The following PEPD variants were observed in gnomAD, a reference collection of about 807,000 sequenced individuals.
PEPD encodes the protein xaa-Pro dipeptidase.
Under a neutral mutation model 60.7 loss-of-function variants are expected in PEPD, and 53 were observed. The ratio of observed to expected loss-of-function variants is 0.87; its 90% CI spans 0.70 to 1.10. The LOEUF is 1.10. PEPD is among the 50% of genes least tolerant of loss of function. The pLI is 0.00. For synonymous variants in PEPD, 267 were observed against 284.1 expected, an observed-to-expected ratio of 0.94 and a Z score of 0.60; for missense variants, 711 against 711.9, an observed-to-expected ratio of 1.00 and a Z score of 0.01.
chr19:33,505,931 C>T (rs1014717116), intron 3 of PEPD, among the ~76,000 whole-genome samples: 1 of 148,346 alleles, frequency 6.7e-6, no homozygotes, highest in Non-Finnish European at 1.5e-5. Context: ...AAACACCCTA[C>T]ACACTACACA....
intron 1 of PEPD, among the ~76,000 whole-genome samples, chr19:33,520,640 C>A (rs940115213): frequency 6.6e-6 from 1 of 152,188 alleles, no homozygotes; most frequent in African/African-American, 2.4e-5. Context: ...GCTCCCTCAA[C>A]CTTGGGGGCC....
At chr19:33,410,337 G>C (rs1968735614) in intron 11 of PEPD, among the ~76,000 whole-genome samples, 1 of 152,228 alleles carries the variant, frequency 6.6e-6, no homozygotes, top group African/African-American at 2.4e-5. Context: ...GTCTCAGTAG[G>C]CCATGTGCCC....
intron 12 of PEPD, 51 bp downstream of exon 12, chr19:33,401,670 C>T (rs573670990): frequency 1.2e-5 from 19 of 1,551,586 alleles, no homozygotes; most frequent in South Asian, 8.2e-5. Flanking sequence ...CACATAGCAG[C>T]GCCCCCAACG....
chr19:33,448,361 C>T (rs1405816045), intron 9 of PEPD, among the ~76,000 whole-genome samples: 2 of 152,092 alleles, frequency 1.3e-5, no homozygotes, highest in African/African-American at 2.4e-5. Context: ...CCGAGGTGGG[C>T]GTCTGGTCCA....
At chr19:33,511,477 T>C (rs1970925979) in intron 2 of PEPD, 3 of 374,324 alleles carry the variant, frequency 8.0e-6, no homozygotes, top group Non-Finnish European at 1.6e-5. Context: ...AGCTCAACCC[T>C]GCCTCTCTGC....
At position 33,400,643 on chromosome 19, in the gene PEPD, T is replaced by C. The variant is rs937263012; in HGVS notation, c.967+1078A>G. The stretch of plus-strand genomic sequence containing the variant: ...GGTTGGCCAGCACATGGTGATCCCA[T>C]AGGAACCTGCCCAGGCTCTGGTGAA... On this transcript the variant is annotated intron_variant, in intron 12 of 14. Coordinates refer to ENST00000244137, the MANE Select transcript of PEPD (RefSeq NM_000285.4). 6.6e-5 allele frequency among the ~76,000 whole-genome samples: 10 copies of C among 152,256 alleles called. 1 individual carries two copies. The East Asian group carries it at 7.7e-4, about 12-fold the overall frequency.
At chr19:33,430,530 C>T (rs534129180) in intron 9 of PEPD, among the ~76,000 whole-genome samples, 6 of 152,248 alleles carry the variant, frequency 3.9e-5, no homozygotes, top group Admixed American at 2.0e-4. Flanking sequence ...CCAGAGAGAC[C>T]GGAAGCCTGT....
intron 6 of PEPD, among the ~76,000 whole-genome samples, chr19:33,483,773 G>A (rs1181641638): frequency 3.3e-5 from 5 of 152,102 alleles, no homozygotes; most frequent in African/African-American, 1.2e-4. Context: ...TTGCACCACT[G>A]TACTCCAGCA....
chr19:33,415,103 C>T (rs1038588784), intron 9 of PEPD, among the ~76,000 whole-genome samples: 1 of 152,208 alleles, frequency 6.6e-6, no homozygotes, highest in Admixed American at 6.5e-5. Flanking sequence ...CTTCACACCT[C>T]TGTGGCGCCC....
At chr19:33,428,672 C>T (rs937436054) in intron 9 of PEPD, among the ~76,000 whole-genome samples, 1 of 152,198 alleles carries the variant, frequency 6.6e-6, no homozygotes, top group Non-Finnish European at 1.5e-5. Flanking sequence ...TAGGCAAGTC[C>T]CTCCCCACAC....
intron 9 of PEPD, among the ~76,000 whole-genome samples, chr19:33,452,186 A>G (rs919252525): frequency 5.9e-5 from 9 of 152,224 alleles, no homozygotes; most frequent in Non-Finnish European, 1.0e-4. Flanking sequence ...CTAGCAGCTA[A>G]AAACCAAAAG....
At chr19:33,518,307 C>T (rs2145364709) in intron 1 of PEPD, among the ~76,000 whole-genome samples, 1 of 152,268 alleles carries the variant, frequency 6.6e-6, no homozygotes, top group South Asian at 2.1e-4. Flanking sequence ...TACTCAGTGG[C>T]CAGCCTGCCT....
At chr19:33,421,083 G>A (rs941561764) in intron 9 of PEPD, among the ~76,000 whole-genome samples, 2 of 152,196 alleles carry the variant, frequency 1.3e-5, no homozygotes, top group Non-Finnish European at 2.9e-5. Context: ...GCCCCCGTGT[G>A]TTTCTCCATT....
At chr19:33,479,080 A>G (rs1970270735) in intron 6 of PEPD, among the ~76,000 whole-genome samples, 1 of 152,210 alleles carries the variant, frequency 6.6e-6, no homozygotes, top group South Asian at 2.1e-4. Context: ...GAGGAAAAGG[A>G]GACATATAGG....
chr19:33,500,523 C>A (rs3848603), intron 4 of PEPD, among the ~76,000 whole-genome samples: 1 of 152,210 alleles, frequency 6.6e-6, no homozygotes, highest in Non-Finnish European at 1.5e-5. Context: ...ACTCTACAAG[C>A]CTTTCACAGC....
At chr19:33,505,002 A>C (rs1970773163) in intron 3 of PEPD, among the ~76,000 whole-genome samples, 1 of 152,096 alleles carries the variant, frequency 6.6e-6, no homozygotes, top group Non-Finnish European at 1.5e-5. Context: ...ATGACTGCAC[A>C]CTCTGCAGTG....
chr19:33,431,992 C>CAAAAGAAAAAA (rs1969283421), intron 9 of PEPD, among the ~76,000 whole-genome samples: 1 of 77,884 alleles, frequency 1.3e-5, no homozygotes, highest in Admixed American at 1.3e-4. Context: ...GACACCACCT[C>CAAAAGAAAAAA]AAAAAAAAAA....
At chr19:33,487,611 C>T (rs1970420189) in intron 6 of PEPD, among the ~76,000 whole-genome samples, 1 of 152,214 alleles carries the variant, frequency 6.6e-6, no homozygotes, top group African/African-American at 2.4e-5. Flanking sequence ...GGCAGTGTCT[C>T]AGCCCAGCCC....
intron 9 of PEPD, 125 bp from the exon 10 acceptor site, chr19:33,413,768 C>G: frequency 1.5e-6 from 1 of 677,960 alleles, no homozygotes; most frequent in Admixed American, 2.1e-5. Context: ...CCACAATGGT[C>G]CAAACTCTCA....
Sources: allele counts gnomAD v4.1 joint callset (sites outside exome capture counted in the v4.1 genomes callset), GRCh38; gene constraint gnomAD v4.1.1; transcripts MANE v1.5; gene names NCBI Gene and HGNC (gene_info 2026-07-23, HGNC 2026-07-21).